AFDN: variants seen among roughly 807,000 people sequenced by gnomAD.
AFDN encodes afadin, adherens junction formation factor.
In AFDN, 68 loss-of-function variants were observed where a neutral mutation model predicts 216.6. That is an observed-to-expected ratio of 0.31 (90% confidence interval 0.26 to 0.38). The LOEUF (loss-of-function observed/expected upper bound fraction) is 0.38, where lower values mean the gene tolerates loss of function less well. Ranked by LOEUF, AFDN falls within the 10% of genes least tolerant of loss-of-function variation. The pLI is 1.00. For missense variants in AFDN, 2,136 were observed against 2,342.0 expected, an observed-to-expected ratio of 0.91 and a Z score of 1.82; for synonymous variants, 868 against 853.7, an observed-to-expected ratio of 1.02 and a Z score of -0.29.
Position 167,889,248 on chromosome 6 carries a change from G to A in AFDN, c.931G>A (p.Glu311Lys). ...TCCTCCTGGAGCCCAGCATTCTGATGAAAAGGGTGCTAAAGAAATTATTCT... is the reference window on the plus strand; with the variant it reads ...TCCTCCTGGAGCCCAGCATTCTGATAAAAAGGGTGCTAAAGAAATTATTCT... ...MLPPGAQHSD[E>K]KGAKEIILDD... Residue 311 changes from glutamate to lysine, a missense_variant, in exon 7 of 34, where the codon GAA becomes AAA. Coordinates refer to ENST00000683244, the MANE Select transcript of AFDN (RefSeq NM_001386888.1). 1 of 1,613,992 alleles carries A rather than the reference G, an allele frequency of 6.2e-7. No homozygotes were observed. Among genetic ancestry groups the A allele is most frequent in the Non-Finnish European group, 8.5e-7 (1 of 1,179,932 alleles).
chr6:167,847,530 C>G (rs9455911), intron 1 of AFDN, among the ~76,000 whole-genome samples: 42,499 of 152,124 alleles, frequency 0.28, 6,548 homozygotes, highest in Middle Eastern at 0.38. Context: ...CAGCAGCTCA[C>G]TTTACCAATT....
intron 1 of AFDN, among the ~76,000 whole-genome samples, chr6:167,831,775 G>A (rs2128082583): frequency 6.6e-6 from 1 of 152,290 alleles, no homozygotes; most frequent in South Asian, 2.1e-4. Context: ...TTGTCATTAA[G>A]GATTTGATTG....
intron 6 of AFDN, among the ~76,000 whole-genome samples, 157 bp downstream of exon 6, chr6:167,880,674 C>G (rs934117122): frequency 6.6e-6 from 1 of 152,024 alleles, no homozygotes; most frequent in African/African-American, 2.4e-5. Context: ...AAAAAGCAGT[C>G]TCCCTTCCAT....
At chr6:167,920,141 G>A (rs986310150) in intron 21 of AFDN, among the ~76,000 whole-genome samples, 19 of 152,280 alleles carry the variant, frequency 1.2e-4, no homozygotes, top group African/African-American at 4.3e-4. Context: ...AGGCTGGGGT[G>A]AGGTCTTTTA....
At chr6:167,873,896 A>G (rs1785052647) in intron 4 of AFDN, among the ~76,000 whole-genome samples, 1 of 152,366 alleles carries the variant, frequency 6.6e-6, no homozygotes, top group South Asian at 2.1e-4. Flanking sequence ...TGAATAAGGT[A>G]TACTTTAAAG....
rs1415446493 is a variant in AFDN at position 167,969,866 on chromosome 6, A to G, written c.5427A>G (p.Gln1809=). ...GCCAGCGTCTTTTTTCACAAGGTCA[A>G]GATGTATCCAATAAAGTGAAAGCTT... The part of the protein sequence containing the change: ...KERQRLFSQG[Q]DVSNKVKASR... Residue 1809 remains glutamine, a synonymous_variant, in exon 34 of 34, where the codon CAA becomes CAG. Transcript: ENST00000683244. The G allele has an allele frequency of 4.3e-6, 7 of 1,613,116 alleles. No homozygotes were observed. The highest frequency in any genetic ancestry group is 5.9e-6 in the Non-Finnish European group (7 of 1,179,660).
chr6:167,930,533 C>T (rs1793152750), intron 23 of AFDN, among the ~76,000 whole-genome samples: 1 of 152,110 alleles, frequency 6.6e-6, no homozygotes, highest in Non-Finnish European at 1.5e-5. Context: ...GGCAGCGGGC[C>T]CTGTGCACAG....
At chr6:167,844,030 T>A (rs2128139319) in intron 1 of AFDN, among the ~76,000 whole-genome samples, 1 of 152,248 alleles carries the variant, frequency 6.6e-6, no homozygotes, top group East Asian at 1.9e-4. Flanking sequence ...GTGGATAAAA[T>A]TTAGTTCGTG....
chr6:167,881,250 A>G (rs1249195943), intron 6 of AFDN, among the ~76,000 whole-genome samples: 2 of 152,198 alleles, frequency 1.3e-5, no homozygotes, highest in African/African-American at 4.8e-5. Flanking sequence ...GTTTTTGCTG[A>G]GAAGCTAAGA....
chr6:167,965,858 G>A lies in AFDN; in HGVS notation c.5070G>A (p.Leu1690=). The change falls in exon 32 of 34, where the codon CTG becomes CTA. Residue 1690 remains leucine (L), a synonymous_variant. Coordinates refer to ENST00000683244, the MANE Select transcript of AFDN (RefSeq NM_001386888.1). The part of the protein sequence containing the change: ...RRLLEPEAPG[L]CRPPLPRDYE... ...TGCTGGAGCCCGAGGCGCCCGGTCT[G>A]TGCCGCCCTCCGCTTCCCCGGGACT... 1 of 1,549,438 alleles carries A rather than the reference G, an allele frequency of 6.5e-7. No homozygotes were observed.
intron 1 of AFDN, among the ~76,000 whole-genome samples, chr6:167,841,492 GA>G (rs552753684): frequency 3.6e-4 from 54 of 149,062 alleles, no homozygotes; most frequent in Non-Finnish European, 3.0e-4. Flanking sequence ...TCCAATACAG[GA>G]AAAAAAAAAT....
intron 21 of AFDN, among the ~76,000 whole-genome samples, chr6:167,922,545 A>G (rs2128501450): frequency 6.6e-6 from 1 of 152,318 alleles, no homozygotes; most frequent in East Asian, 1.9e-4. Context: ...GTAGTGGAGT[A>G]AACGGTTCTG....
At chr6:167,883,385 T>C (rs897210383) in intron 6 of AFDN, among the ~76,000 whole-genome samples, 1 of 152,238 alleles carries the variant, frequency 6.6e-6, no homozygotes, top group Non-Finnish European at 1.5e-5. Context: ...TGCAGTATTC[T>C]GTGCATAGCA....
chr6:167,965,238 C>T (rs1797424437), intron 31 of AFDN: 1 of 242,600 alleles, frequency 4.1e-6, no homozygotes, highest in East Asian at 1.8e-4. Context: ...CCTCCTTGTC[C>T]AGGAAGGACT....
At chr6:167,900,528 TTTGG>T (rs1175490097) in intron 11 of AFDN, among the ~76,000 whole-genome samples, 1 of 152,186 alleles carries the variant, frequency 6.6e-6, no homozygotes, top group African/African-American at 2.4e-5. Context: ...ATAAAGTCAC[TTTGG>T]TTGGTCTTGT....
intron 13 of AFDN, among the ~76,000 whole-genome samples, chr6:167,907,752 T>G (rs566296947): frequency 1.3e-5 from 2 of 152,182 alleles, no homozygotes; most frequent in Non-Finnish European, 2.9e-5. Flanking sequence ...ATGTGATGTG[T>G]CTCCCTGTGG....
intron 17 of AFDN, 40 bp downstream of exon 17, chr6:167,914,353 A>AT: frequency 6.3e-7 from 1 of 1,592,350 alleles, no homozygotes; most frequent in Non-Finnish European, 8.6e-7. Flanking sequence ...ACTCTAAATA[A>AT]TTAAGTCATT....
At chr6:167,914,375 T>A in intron 17 of AFDN, 62 bp downstream of exon 17, 1 of 1,568,300 alleles carries the variant, frequency 6.4e-7, no homozygotes, top group Non-Finnish European at 8.7e-7. Flanking sequence ...GTTTTCTTAT[T>A]CAGTTTTCCA....
At chr6:167,834,856 C>T (rs1454480689) in intron 1 of AFDN, among the ~76,000 whole-genome samples, 1 of 152,046 alleles carries the variant, frequency 6.6e-6, no homozygotes, top group Non-Finnish European at 1.5e-5. Flanking sequence ...GTGGCACATA[C>T]CTGTGTTCCC....
Sources: allele counts gnomAD v4.1 joint callset (sites outside exome capture counted in the v4.1 genomes callset), GRCh38; gene constraint gnomAD v4.1.1; transcripts MANE v1.5; gene names NCBI Gene and HGNC (gene_info 2026-07-23, HGNC 2026-07-21).